Variants in TAOK3 observed in about 807,000 individuals in gnomAD.
TAOK3 encodes the protein serine/threonine-protein kinase TAO3.
A neutral mutation model predicts 120.4 loss-of-function variants in TAOK3; 40 were observed. The ratio of observed to expected loss-of-function variants is 0.33; its 90% confidence interval spans 0.26 to 0.43. The LOEUF is 0.43. Ranked by LOEUF, TAOK3 falls within the 20% of genes least tolerant of loss-of-function variation. The probability of loss-of-function intolerance (pLI) is 1.00; values close to 1 mark genes in which losing one functional copy is unlikely to be tolerated. For synonymous variants in TAOK3, 355 were observed against 387.5 expected (o/e 0.92, Z 0.99); for missense variants, 821 against 1,112.1 (o/e 0.74, Z 3.72).
At chr12:118,283,944 G>A (rs1054691886) in intron 1 of TAOK3, among the ~76,000 whole-genome samples, 4 of 152,108 alleles carry the variant, frequency 2.6e-5, no homozygotes, top group Non-Finnish European at 4.4e-5. Context: ...CCATGTAAAG[G>A]TTTTTAAGCT....
intron 19 of TAOK3, among the ~76,000 whole-genome samples, chr12:118,153,965 A>G (rs2034630411): frequency 6.6e-6 from 1 of 152,250 alleles, no homozygotes; most frequent in Non-Finnish European, 1.5e-5. Context: ...GGTTTCATTA[A>G]AACCCTTAAA....
chr12:118,177,499 CA>C (rs199778098), intron 15 of TAOK3, among the ~76,000 whole-genome samples, 170 bp from the exon 16 acceptor site: 4,834 of 142,678 alleles, frequency 0.034, 247 homozygotes, highest in East Asian at 0.24. Flanking sequence ...TAAAGAAACA[CA>C]AAAAAAAAAA....
At chr12:118,269,383 CTTTTTT>C (rs1174725563) in intron 1 of TAOK3, among the ~76,000 whole-genome samples, 9 of 103,886 alleles carry the variant, frequency 8.7e-5, no homozygotes, top group African/African-American at 2.3e-4. Context: ...TCTCTCTCTT[CTTTTTT>C]TTTTTTTTTT....
Position 118,152,225 on chromosome 12 carries a change from A to G in TAOK3, c.2535+2T>C, listed in dbSNP as rs986744086. 1 of 1,611,714 alleles carries G rather than the reference A, an allele frequency of 6.2e-7. No individual in the cohort carries two copies. The highest frequency in any genetic ancestry group is 1.3e-5 in the African/African-American group (1 of 74,832). Reference sequence around the variant, plus strand: ...ACCGGACCCCTGGTAATGCTCCCTTACCTTCTGCTCAAGGTGTGCTCTGCG... The same window carrying G: ...ACCGGACCCCTGGTAATGCTCCCTTGCCTTCTGCTCAAGGTGTGCTCTGCG... On this transcript the variant is annotated splice_donor_variant, in intron 20 of 20. Coordinates refer to ENST00000392533, the MANE Select transcript of TAOK3 (RefSeq NM_016281.4). LOFTEE classifies it high-confidence loss of function.
chr12:118,280,062 AC>A (rs2042044020), intron 1 of TAOK3, among the ~76,000 whole-genome samples: 2 of 109,364 alleles, frequency 1.8e-5, no homozygotes, highest in African/African-American at 3.5e-5. Flanking sequence ...ACCGCGCCCC[AC>A]CTTTTTTTTT....
At chr12:118,258,182 A>G (rs923956436) in intron 2 of TAOK3, among the ~76,000 whole-genome samples, 1 of 152,142 alleles carries the variant, frequency 6.6e-6, no homozygotes, top group African/African-American at 2.4e-5. Flanking sequence ...GAAAATTGCA[A>G]AAGACCCTTT....
intron 17 of TAOK3, among the ~76,000 whole-genome samples, 170 bp from the exon 18 acceptor site, chr12:118,162,197 G>A (rs144799784): frequency 6.6e-6 from 1 of 152,178 alleles, no homozygotes; most frequent in East Asian, 1.9e-4. Context: ...ATCTCTTCAG[G>A]TTTAGGTTCT....
Position 118,177,188 on chromosome 12 carries a change from T to A in TAOK3, c.1695+13A>T. On this transcript the variant is annotated intron_variant, in intron 16 of 20. Coordinates refer to ENST00000392533, the MANE Select transcript of TAOK3 (RefSeq NM_016281.4). ...AATGGCAACTTGGTGAGAACAAACA[T>A]TGGTATCCTTACCTCTTTTATTTTT... 1 of 1,612,044 alleles carries A rather than the reference T, an allele frequency of 6.2e-7. No individual in the cohort carries two copies. Among genetic ancestry groups the A allele is most frequent in the Non-Finnish European group, 8.5e-7 (1 of 1,179,050 alleles).
intron 14 of TAOK3, among the ~76,000 whole-genome samples, chr12:118,182,623 ATT>A (rs1555215274): frequency 2.1e-3 from 193 of 92,356 alleles, no homozygotes; most frequent in Admixed American, 0.012. Context: ...ATATATATAT[ATT>A]TTTTTTTTTT....
At chr12:118,197,024 A>G (rs1464381862) in intron 13 of TAOK3, among the ~76,000 whole-genome samples, 4 of 152,232 alleles carry the variant, frequency 2.6e-5, no homozygotes, top group African/African-American at 7.2e-5. Flanking sequence ...GAATTTGAGT[A>G]AACCATCCAA....
At chr12:118,167,668 TC>T (rs2035689868) in intron 17 of TAOK3, among the ~76,000 whole-genome samples, 1 of 145,342 alleles carries the variant, frequency 6.9e-6, no homozygotes, top group Non-Finnish European at 1.5e-5. Context: ...CTTTATAGGC[TC>T]TTTTTTTTTT....
At chr12:118,174,648 GTATC>G (rs569571798) in intron 16 of TAOK3, among the ~76,000 whole-genome samples, 101 of 152,064 alleles carry the variant, frequency 6.6e-4, no homozygotes, top group Non-Finnish European at 1.1e-3. Context: ...AATAAGGAAG[GTATC>G]TATTTATTTT....
intron 1 of TAOK3, among the ~76,000 whole-genome samples, chr12:118,299,917 G>A (rs1261783221): frequency 2.6e-5 from 4 of 152,150 alleles, no homozygotes; most frequent in African/African-American, 7.2e-5. Flanking sequence ...TGCAAGTTGA[G>A]GGAGTCAAGC....
chr12:118,361,227 G>A (rs994310077), intron 1 of TAOK3, among the ~76,000 whole-genome samples: 1 of 152,116 alleles, frequency 6.6e-6, no homozygotes, highest in African/African-American at 2.4e-5. Flanking sequence ...ATGTCATCAA[G>A]CTTCCACTAG....
intron 17 of TAOK3, among the ~76,000 whole-genome samples, chr12:118,164,945 A>G (rs2035486478): frequency 6.6e-6 from 1 of 152,160 alleles, no homozygotes; most frequent in Admixed American, 6.5e-5. Context: ...TCACTTATTC[A>G]TTCAACAAGT....
At chr12:118,331,004 A>G (rs548639100) in intron 1 of TAOK3, among the ~76,000 whole-genome samples, 63 of 152,348 alleles carry the variant, frequency 4.1e-4, no homozygotes, top group African/African-American at 1.5e-3. Flanking sequence ...AAGTAACACA[A>G]AACTCTAGAT....
intron 1 of TAOK3, among the ~76,000 whole-genome samples, chr12:118,313,237 C>T (rs1566102797): frequency 6.6e-6 from 1 of 152,068 alleles, no homozygotes; most frequent in East Asian, 1.9e-4. Context: ...AAGAGAATGG[C>T]TGTTTCTTTT....
At chr12:118,233,787 A>C in intron 8 of TAOK3, 22 bp from the exon 9 acceptor site, 1 of 1,564,870 alleles carries the variant, frequency 6.4e-7, no homozygotes, top group Non-Finnish European at 8.7e-7. Context: ...AAGGTACAAA[A>C]CTCAAGTTGG....
chr12:118,352,504 CA>C (rs112000881), intron 1 of TAOK3, among the ~76,000 whole-genome samples: 141 of 126,128 alleles, frequency 1.1e-3, no homozygotes, highest in Middle Eastern at 4.7e-3. Flanking sequence ...GACTCTGTCT[CA>C]AAAAAAAAAA....
Sources: allele counts gnomAD v4.1 joint callset (sites outside exome capture counted in the v4.1 genomes callset), GRCh38; gene constraint gnomAD v4.1.1; transcripts MANE v1.5; gene names NCBI Gene and HGNC (gene_info 2026-07-23, HGNC 2026-07-21).